DRC1: variants seen among roughly 807,000 people sequenced by gnomAD.
The protein encoded by DRC1 is dynein regulatory complex subunit 1.
DRC1 carries 74 observed loss-of-function variants against 98.7 expected under a neutral mutation model. That is an observed-to-expected ratio of 0.75 (90% CI 0.62 to 0.91). The LOEUF (loss-of-function observed/expected upper bound fraction) is 0.91, where lower values mean the gene tolerates loss of function less well. Ranked by LOEUF, DRC1 falls within the 40% of genes least tolerant of loss-of-function variation. DRC1 has a pLI of 0.00. For synonymous variants in DRC1, 336 were observed against 334.1 expected, an observed-to-expected ratio of 1.01 and a Z score of -0.06; for missense variants, 875 against 886.0, an observed-to-expected ratio of 0.99 and a Z score of 0.16.
chr2:26,441,613 A>G (rs571928646), intron 8 of DRC1, among the ~76,000 whole-genome samples: 1 of 152,190 alleles, frequency 6.6e-6, no homozygotes, highest in Non-Finnish European at 1.5e-5. Flanking sequence ...GGCAAAAAGC[A>G]GTTAAGAGGA....
intron 7 of DRC1, among the ~76,000 whole-genome samples, chr2:26,436,571 C>T (rs1421592389): frequency 1.3e-5 from 2 of 152,150 alleles, no homozygotes; most frequent in Non-Finnish European, 2.9e-5. Context: ...CTTTGGTCTC[C>T]CAAAGTGCTG....
Position 26,401,921 on chromosome 2 carries a change from T to A in DRC1, c.-69T>A, listed in dbSNP as rs563153740. ...GACCGCTCTCCCTGGCAACGGTTTG[T>A]TCCTAGCAACCAGCCTGAGGTCTGG... On this transcript the variant is annotated 5_prime_UTR_variant, in exon 1 of 17. Transcript: ENST00000288710. The A allele has an allele frequency of 4.0e-5, 61 of 1,511,666 alleles. No individual in the cohort carries two copies. In the South Asian group the frequency reaches 4.6e-4, roughly 11 times the overall value. The allele number at this position is 1,511,666 out of a possible 1,614,324, so 93.6% of individuals were successfully genotyped here.
At chr2:26,435,869 T>C (rs1663556123) in intron 7 of DRC1, among the ~76,000 whole-genome samples, 1 of 152,154 alleles carries the variant, frequency 6.6e-6, no homozygotes, top group African/African-American at 2.4e-5. Flanking sequence ...TTGATGGGCA[T>C]CTAGGTTGAT....
In DRC1 at chr2:26,454,842, G is replaced by A. The variant is rs770792179; in HGVS notation, c.2063+52G>A. The A allele has an allele frequency of 3.5e-5, 56 of 1,610,182 alleles. No homozygotes were observed. In the East Asian group the frequency reaches 1.0e-3, roughly 30 times the overall value. ...GGGTGCTGGCGGGCAGGTGAGGAACGGTTGTTGGGAGCAGCCGCGTTTGCT... is the reference window on the plus strand; with the variant it reads ...GGGTGCTGGCGGGCAGGTGAGGAACAGTTGTTGGGAGCAGCCGCGTTTGCT... On this transcript the variant is annotated intron_variant, in intron 15 of 16. Coordinates refer to ENST00000288710, the MANE Select transcript of DRC1 (RefSeq NM_145038.5). This position sits in a 1 kb window ranked among gnomAD's most constrained non-coding sequence, Gnocchi z 5.2.
chr2:26,429,438 T>C (rs530303484), intron 4 of DRC1, among the ~76,000 whole-genome samples, 190 bp from the exon 5 acceptor site: 2 of 152,172 alleles, frequency 1.3e-5, no homozygotes, highest in South Asian at 4.1e-4. Context: ...GCTGGTCTCC[T>C]GAGCTGAAGC....
rs560831154 is a variant in DRC1, at chr2:26,431,335, C to T, written c.765+463C>T. 3.3e-4 allele frequency among the ~76,000 whole-genome samples: 51 copies of T among 152,270 alleles called. 1 individual carries two copies. The South Asian group carries it at 0.011, about 32-fold the overall frequency. On this transcript the variant is annotated intron_variant, in intron 6 of 16. Coordinates refer to ENST00000288710, the MANE Select transcript of DRC1 (RefSeq NM_145038.5). ...GCATTTCCTAGCTAATCCGTGTGGC[C>T]TTGCAGATGGGGATTGTCTCTTGGG...
At chr2:26,428,401 C>G (rs1237912056) in intron 4 of DRC1, among the ~76,000 whole-genome samples, 1 of 152,158 alleles carries the variant, frequency 6.6e-6, no homozygotes, top group African/African-American at 2.4e-5. Context: ...ACTAATTGCT[C>G]CTAGGCTACA....
intron 4 of DRC1, among the ~76,000 whole-genome samples, chr2:26,428,494 G>A (rs531654234): frequency 2.0e-5 from 3 of 152,142 alleles, no homozygotes; most frequent in Non-Finnish European, 4.4e-5. Context: ...AACAGAAAAG[G>A]CACAGTAAAA....
chr2:26,425,220 AGATG>A (rs1283063938), intron 4 of DRC1, among the ~76,000 whole-genome samples: 1 of 152,214 alleles, frequency 6.6e-6, no homozygotes, highest in African/African-American at 2.4e-5. Flanking sequence ...GGCTTAGTAT[AGATG>A]GACTTCGTTG....
In DRC1 at chr2:26,440,537, G is replaced by A. The variant is rs766939128; in HGVS notation, c.1028+20G>A. 16 of 1,603,644 alleles carry A rather than the reference G, an allele frequency of 1.0e-5. No homozygotes were observed. The highest frequency in any genetic ancestry group is 8.4e-5 in the Admixed American group (5 of 59,344). Reference sequence around the variant, plus strand: ...CAATCGGTAAGCTAGCATGCAGAGCGTCTTTCTTCTGGGCCTTCTGTGCTG... The same window carrying A: ...CAATCGGTAAGCTAGCATGCAGAGCATCTTTCTTCTGGGCCTTCTGTGCTG... On this transcript the variant is annotated intron_variant, in intron 8 of 16. Coordinates refer to ENST00000288710, the MANE Select transcript of DRC1 (RefSeq NM_145038.5).
intron 5 of DRC1, among the ~76,000 whole-genome samples, chr2:26,430,042 C>A (rs954104448): frequency 6.6e-6 from 1 of 152,046 alleles, no homozygotes. Context: ...TAGGAAGCAG[C>A]TAGACAATAA....
intron 6 of DRC1, among the ~76,000 whole-genome samples, chr2:26,431,338 G>T (rs573567161): frequency 2.6e-5 from 4 of 152,196 alleles, no homozygotes; most frequent in Non-Finnish European, 5.9e-5. Flanking sequence ...GTGTGGCCTT[G>T]CAGATGGGGA....
At chr2:26,419,587 A>T (rs915116747) in intron 2 of DRC1, among the ~76,000 whole-genome samples, 2 of 152,220 alleles carry the variant, frequency 1.3e-5, no homozygotes, top group African/African-American at 2.4e-5. Flanking sequence ...TCTGTATTCA[A>T]TGAAACTACA....
chr2:26,416,339 C>A (rs13399412), intron 2 of DRC1, among the ~76,000 whole-genome samples: 8,037 of 151,984 alleles, frequency 0.053, 657 homozygotes, highest in African/African-American at 0.17. Flanking sequence ...CAGGGTTTTC[C>A]CCATGTTGGC....
chr2:26,446,249 A>G (rs1186896203), intron 10 of DRC1, among the ~76,000 whole-genome samples: 2 of 151,996 alleles, frequency 1.3e-5, no homozygotes, highest in Non-Finnish European at 2.9e-5. Flanking sequence ...GACTCATGCC[A>G]CAATGCCCAG....
intron 5 of DRC1, 120 bp downstream of exon 5, chr2:26,429,885 T>A: frequency 1.8e-6 from 2 of 1,099,486 alleles, no homozygotes; most frequent in Admixed American, 2.7e-5. Context: ...GATTTCTGTT[T>A]CTGCTCTCAG....
At chr2:26,407,521 A>T (rs2384362) in intron 1 of DRC1, among the ~76,000 whole-genome samples, 48,770 of 151,924 alleles carry the variant, frequency 0.32, 8,198 homozygotes, top group Middle Eastern at 0.38. Context: ...AGCCCTTAGC[A>T]GTGACAGGAG....
At chr2:26,418,245 A>G (rs1678879391) in intron 2 of DRC1, among the ~76,000 whole-genome samples, 1 of 151,828 alleles carries the variant, frequency 6.6e-6, no homozygotes, top group Non-Finnish European at 1.5e-5. Context: ...TGTCCTGCTC[A>G]GGGCAGATGA....
chr2:26,409,454 T>A (rs17005284), intron 1 of DRC1, among the ~76,000 whole-genome samples: 3 of 152,280 alleles, frequency 2.0e-5, no homozygotes, highest in South Asian at 2.1e-4. Context: ...AGTTTTTTTT[T>A]AAAGGCAGCT....
Sources: allele counts gnomAD v4.1 joint callset (sites outside exome capture counted in the v4.1 genomes callset), GRCh38; gene constraint gnomAD v4.1.1; non-coding constraint Gnocchi (gnomAD v3.1); transcripts MANE v1.5; gene names NCBI Gene and HGNC (gene_info 2026-07-23, HGNC 2026-07-21).